PRKAG2: variants seen among roughly 807,000 people sequenced by gnomAD.
The protein encoded by PRKAG2 is protein kinase AMP-activated non-catalytic subunit gamma 2.
A neutral mutation model predicts 69.6 loss-of-function variants in PRKAG2; 26 were observed. That is an observed-to-expected ratio of 0.37 (90% CI 0.27 to 0.52). The LOEUF is 0.52. PRKAG2 is among the 20% of genes least tolerant of loss of function. The pLI, the probability that PRKAG2 is intolerant of heterozygous loss-of-function variation, is 0.90. For missense variants in PRKAG2, 557 were observed against 740.0 expected (o/e 0.75, Z 2.87); for synonymous variants, 293 against 285.0 (o/e 1.03, Z -0.28).
chr7:151,778,643 G>A (rs1433829257), intron 3 of PRKAG2, among the ~76,000 whole-genome samples: 1 of 152,238 alleles, frequency 6.6e-6, no homozygotes, highest in Non-Finnish European at 1.5e-5. Context: ...ATTCCTGGTG[G>A]CTCAACTCTT....
intron 1 of PRKAG2, among the ~76,000 whole-genome samples, chr7:151,833,371 G>C (rs948124987): frequency 6.6e-6 from 1 of 152,204 alleles, no homozygotes; most frequent in Non-Finnish European, 1.5e-5. Context: ...GAGCAGGACA[G>C]GGTGTGACGA....
chr7:151,604,663 C>T (rs1366885794), intron 5 of PRKAG2, among the ~76,000 whole-genome samples: 1 of 152,088 alleles, frequency 6.6e-6, no homozygotes, highest in Non-Finnish European at 1.5e-5. Context: ...CACATACACA[C>T]ACACCCCAAC....
At chr7:151,677,027 A>G (rs559659155) in intron 3 of PRKAG2, among the ~76,000 whole-genome samples, 4 of 152,310 alleles carry the variant, frequency 2.6e-5, no homozygotes, top group African/African-American at 9.6e-5. Context: ...CAACACCTCG[A>G]TTTTGAACTT....
At chr7:151,590,851 T>A (rs1198096812) in intron 6 of PRKAG2, among the ~76,000 whole-genome samples, 1 of 152,182 alleles carries the variant, frequency 6.6e-6, no homozygotes, top group African/African-American at 2.4e-5. Flanking sequence ...CTATGAGTGG[T>A]CTTATGAGAA....
chr7:151,718,460 C>T (rs780860331), intron 3 of PRKAG2, among the ~76,000 whole-genome samples: 2 of 152,024 alleles, frequency 1.3e-5, no homozygotes, highest in African/African-American at 2.4e-5. Flanking sequence ...CAGCACGGCA[C>T]GAGTCCTCCA....
chr7:151,702,949 C>T (rs566973523), intron 3 of PRKAG2, among the ~76,000 whole-genome samples: 21 of 152,294 alleles, frequency 1.4e-4, no homozygotes, highest in African/African-American at 4.6e-4. Flanking sequence ...GAGTGAATGT[C>T]AAACTGCCAA....
intron 4 of PRKAG2, among the ~76,000 whole-genome samples, chr7:151,640,796 G>A (rs1330045466): frequency 6.6e-6 from 1 of 152,048 alleles, no homozygotes; most frequent in Non-Finnish European, 1.5e-5. Context: ...TGTTTCCTCT[G>A]AGTCCCACAT....
At chr7:151,634,601 A>G (rs1314639708) in intron 4 of PRKAG2, among the ~76,000 whole-genome samples, 1 of 152,250 alleles carries the variant, frequency 6.6e-6, no homozygotes, top group Non-Finnish European at 1.5e-5. Flanking sequence ...CTGCTCTCCA[A>G]GGAATAGCAA....
chr7:151,823,308 G>T (rs905442890), intron 1 of PRKAG2, among the ~76,000 whole-genome samples: 1 of 151,948 alleles, frequency 6.6e-6, no homozygotes, highest in Non-Finnish European at 1.5e-5. Context: ...ATGTTTTAAT[G>T]ATTTTAAAAG....
chr7:151,874,456 G>A (rs181433087), intron 1 of PRKAG2, among the ~76,000 whole-genome samples: 840 of 20,540 alleles, frequency 0.041, 132 homozygotes, highest in African/African-American at 0.094. Context: ...TGTATATGAT[G>A]TATATGTATA....
At chr7:151,769,264 C>T (rs767939577) in intron 3 of PRKAG2, among the ~76,000 whole-genome samples, 3 of 152,184 alleles carry the variant, frequency 2.0e-5, no homozygotes, top group African/African-American at 4.8e-5. Flanking sequence ...TTGTAGACTG[C>T]GCTGGGTTAG....
intron 1 of PRKAG2, among the ~76,000 whole-genome samples, chr7:151,855,652 C>T (rs1417249542): frequency 6.6e-6 from 1 of 151,684 alleles, no homozygotes; most frequent in Admixed American, 6.6e-5. Context: ...ACACATACCA[C>T]TGCAGACACT....
Position 151,689,383 on chromosome 7 carries a change from C to T in PRKAG2, c.467-13746G>A, listed in dbSNP as rs544689693. ...TGATGCAGGGAGGGCTTTCAGTCAC[C>T]ATCCCCTCCTGGAAGTGTATCCCAA... On this transcript the variant is annotated intron_variant, in intron 3 of 15. Transcript: ENST00000287878. Among the ~76,000 whole-genome samples the T allele has an allele frequency of 3.9e-3, 597 of 152,298 alleles. 2 individuals are homozygous for T. Among genetic ancestry groups the T allele is most frequent in the African/African-American group, 0.013 (552 of 41,566 alleles).
At chr7:151,812,187 A>G (rs1586645673) in intron 1 of PRKAG2, among the ~76,000 whole-genome samples, 1 of 152,234 alleles carries the variant, frequency 6.6e-6, no homozygotes, top group African/African-American at 2.4e-5. Context: ...GGAGTCATCA[A>G]TTGAATCTAC....
chr7:151,743,176 A>G (rs1323020260), intron 3 of PRKAG2, among the ~76,000 whole-genome samples: 1 of 152,206 alleles, frequency 6.6e-6, no homozygotes, highest in Non-Finnish European at 1.5e-5. Flanking sequence ...AGGGGCTGAA[A>G]AAGGAAGGAA....
rs752658495 is a variant in PRKAG2 at position 151,570,272 on chromosome 7, T to C, written c.1052-47A>G. 12 of 1,572,990 alleles carry C rather than the reference T, an allele frequency of 7.6e-6. No homozygotes were observed. The South Asian group carries it at 1.1e-4, about 15-fold the overall frequency. On this transcript the variant is annotated intron_variant, in intron 9 of 15. Coordinates refer to ENST00000287878, the MANE Select transcript of PRKAG2 (RefSeq NM_016203.4). ...ATGCAGTTAGTAACACATTTGCTGT[T>C]TGCAGTTATAACACAAATTCAAATA...
intron 4 of PRKAG2, among the ~76,000 whole-genome samples, chr7:151,646,897 G>A (rs1827662453): frequency 6.6e-6 from 1 of 152,222 alleles, no homozygotes. Context: ...GAGCCAGCTG[G>A]AGCGGGTACT....
At chr7:151,617,266 A>AG (rs1820365253) in intron 5 of PRKAG2, among the ~76,000 whole-genome samples, 13 of 96,216 alleles carry the variant, frequency 1.4e-4, no homozygotes, top group Non-Finnish European at 2.3e-4. Context: ...GAGCGAGGGA[A>AG]GGAGGGAGGG....
intron 1 of PRKAG2, among the ~76,000 whole-genome samples, chr7:151,840,472 A>T (rs1357165764): frequency 6.6e-6 from 1 of 152,076 alleles, no homozygotes; most frequent in African/African-American, 2.4e-5. Flanking sequence ...CTGCAGCCTC[A>T]ACTTCCTGGC....
Sources: allele counts gnomAD v4.1 joint callset (sites outside exome capture counted in the v4.1 genomes callset), GRCh38; gene constraint gnomAD v4.1.1; transcripts MANE v1.5; gene names NCBI Gene and HGNC (gene_info 2026-07-23, HGNC 2026-07-21).